C3orf20: variants seen among roughly 807,000 people sequenced by gnomAD.
C3orf20 encodes family with sequence similarity 149 member C.
A neutral mutation model predicts 88.3 loss-of-function variants in C3orf20; 76 were observed. The observed-to-expected ratio is 0.86, with a 90% CI of 0.72 to 1.04. The LOEUF (loss-of-function observed/expected upper bound fraction) is 1.04. Ranked by LOEUF, C3orf20 falls within the 50% of genes least tolerant of loss-of-function variation. C3orf20 has a pLI of 0.00. For synonymous variants in C3orf20, 436 were observed against 437.4 expected (o/e 1.00, Z 0.04); for missense variants, 1,056 against 1,123.3 (o/e 0.94, Z 0.86).
At chr3:14,697,518 T>C (rs1002568871) in intron 5 of C3orf20, among the ~76,000 whole-genome samples, 1 of 152,124 alleles carries the variant, frequency 6.6e-6, no homozygotes, top group Admixed American at 6.5e-5. Context: ...TCTGCTTGAT[T>C]CTTTAAAATT....
chr3:14,702,168 C>T (rs1045308809), intron 5 of C3orf20, among the ~76,000 whole-genome samples: 1 of 151,984 alleles, frequency 6.6e-6, no homozygotes, highest in Non-Finnish European at 1.5e-5. Context: ...TGGCAGGAGG[C>T]GAAAGGCACT....
chr3:14,705,603 A>G (rs2124940484), intron 7 of C3orf20, among the ~76,000 whole-genome samples: 1 of 152,326 alleles, frequency 6.6e-6, no homozygotes, highest in Non-Finnish European at 1.5e-5. Flanking sequence ...GTAGGAAGTC[A>G]CCTTGTACCC....
chr3:14,688,402 C>T (rs1238203693), intron 4 of C3orf20, among the ~76,000 whole-genome samples: 1 of 151,716 alleles, frequency 6.6e-6, no homozygotes, highest in East Asian at 1.9e-4. Context: ...CGTGATGGCA[C>T]ACATCTGTAG....
Position 14,701,078 on chromosome 3 carries a change from A to C in C3orf20, c.746-2052A>C, listed in dbSNP as rs528552298. On this transcript the variant is annotated intron_variant, in intron 5 of 16. Coordinates refer to ENST00000253697, the MANE Select transcript of C3orf20 (RefSeq NM_032137.5). This position sits in a 1 kb window ranked among gnomAD's most constrained non-coding sequence, Gnocchi z 4.6. ...GAGCCCAAGGCACCTGGGGCAGGCC[A>C]GACATGGAGGCTCAATCCAGCAGAT... 1.3e-5 allele frequency among the ~76,000 whole-genome samples: 2 copies of C among 152,334 alleles called. No homozygotes were observed. The highest frequency in any genetic ancestry group is 4.1e-4 in the South Asian group (2 of 4,824).
At chr3:14,726,274 G>A (rs2034341082) in intron 10 of C3orf20, among the ~76,000 whole-genome samples, 1 of 152,226 alleles carries the variant, frequency 6.6e-6, no homozygotes. Context: ...GGAAACAAGA[G>A]GCCTGGGCCT....
At chr3:14,763,910 A>G (rs2035628313) in intron 15 of C3orf20, among the ~76,000 whole-genome samples, 1 of 152,218 alleles carries the variant, frequency 6.6e-6, no homozygotes. Flanking sequence ...ATTCTGAAAG[A>G]ACTTAGTGGT....
At chr3:14,769,955 A>G (rs114721126) in intron 15 of C3orf20, among the ~76,000 whole-genome samples, 4,296 of 152,136 alleles carry the variant, frequency 0.028, 203 homozygotes, top group African/African-American at 0.097. Flanking sequence ...TGAAATGTCC[A>G]GGTGAGGGGG....
At chr3:14,743,251 T>C (rs1478950994) in intron 12 of C3orf20, among the ~76,000 whole-genome samples, 1 of 151,846 alleles carries the variant, frequency 6.6e-6, no homozygotes, top group Non-Finnish European at 1.5e-5. Context: ...ATGGGAGAAA[T>C]TGGCCAAAAC....
rs181600498 is a variant in C3orf20 at position 14,761,072 on chromosome 3, G to A, written c.2353-401G>A. 3.7e-4 allele frequency among the ~76,000 whole-genome samples: 56 copies of A among 152,176 alleles called. No homozygotes were observed. The East Asian group carries it at 7.9e-3, about 21-fold the overall frequency. ...CCCATTCCATGGGATAAGCTGAAAC[G>A]TACATACACAGCAGGAGAACACATT... On this transcript the variant is annotated intron_variant, in intron 14 of 16. Transcript: ENST00000253697.
At chr3:14,681,452 T>G (rs2032086073) in intron 1 of C3orf20, among the ~76,000 whole-genome samples, 1 of 152,218 alleles carries the variant, frequency 6.6e-6, no homozygotes, top group South Asian at 2.1e-4. Flanking sequence ...TCAGAAGCCT[T>G]GGGCCAGCAG....
At chr3:14,738,140 AC>A (rs573040796) in intron 12 of C3orf20, among the ~76,000 whole-genome samples, 31 of 139,072 alleles carry the variant, frequency 2.2e-4, no homozygotes, top group African/African-American at 8.1e-4. Flanking sequence ...TGACATTTTG[AC>A]CTCCCATGAA....
At chr3:14,710,924 C>CA (rs915909843) in intron 7 of C3orf20, among the ~76,000 whole-genome samples, 6 of 148,800 alleles carry the variant, frequency 4.0e-5, no homozygotes, top group African/African-American at 1.5e-4. Context: ...GGTGGAATCT[C>CA]ACTGTGTCAC....
chr3:14,761,431 T>C, intron 14 of C3orf20, 42 bp from the exon 15 acceptor site: 1 of 1,613,156 alleles, frequency 6.2e-7, no homozygotes, highest in Non-Finnish European at 8.5e-7. Context: ...ACTGCTGTGC[T>C]GATGTGCTGA....
intron 7 of C3orf20, among the ~76,000 whole-genome samples, chr3:14,705,182 G>A (rs1199414283): frequency 2.0e-5 from 3 of 152,262 alleles, no homozygotes; most frequent in Non-Finnish European, 4.4e-5. Flanking sequence ...AACCTTGGAT[G>A]TGGGAGCAAC....
At chr3:14,700,391 G>C (rs1022786170) in intron 5 of C3orf20, among the ~76,000 whole-genome samples, 1 of 152,150 alleles carries the variant, frequency 6.6e-6, no homozygotes, top group Admixed American at 6.5e-5. Flanking sequence ...TTTAGTAGGA[G>C]TTATTGTTAA....
At chr3:14,702,424 T>G (rs2033309769) in intron 5 of C3orf20, among the ~76,000 whole-genome samples, 1 of 148,084 alleles carries the variant, frequency 6.8e-6, no homozygotes, top group Non-Finnish European at 1.5e-5. Flanking sequence ...CCTCCAAATC[T>G]CATGTCCTCA....
chr3:14,707,478 TG>T (rs1575111745), intron 7 of C3orf20, among the ~76,000 whole-genome samples: 1 of 151,690 alleles, frequency 6.6e-6, no homozygotes, highest in East Asian at 1.9e-4. Flanking sequence ...TGTGTGTGTG[TG>T]TGTGTGTGTG....
At chr3:14,771,334 C>G (rs2035853678) in intron 15 of C3orf20, among the ~76,000 whole-genome samples, 1 of 152,252 alleles carries the variant, frequency 6.6e-6, no homozygotes, top group African/African-American at 2.4e-5. Flanking sequence ...GCTGCTCGAA[C>G]AGCCTAAGAC....
At position 14,686,204 on chromosome 3, in the gene C3orf20, G is replaced by GTT. The variant is rs1553609499; in HGVS notation, c.625+1823_625+1824insTT. Among the ~76,000 whole-genome samples the GTT allele has an allele frequency of 9.6e-4, 146 of 152,218 alleles. 1 individual carries two copies. Among genetic ancestry groups the GTT allele is most frequent in the African/African-American group, 3.2e-3 (133 of 41,518 alleles). Reference sequence around the variant, plus strand: ...AGCTGAATCATATTCGTGTGTGTGTGTGTGTGTGACATTTTCTTTATCCAT... The same window carrying GTT: ...AGCTGAATCATATTCGTGTGTGTGTGTTTGTGTGTGACATTTTCTTTATCCAT... On this transcript the variant is annotated intron_variant, in intron 4 of 16. Transcript: ENST00000253697.
Sources: gnomAD v4.1 joint callset for allele counts (sites outside exome capture counted in the v4.1 genomes callset) on GRCh38, gnomAD v4.1.1 for gene constraint, Gnocchi (gnomAD v3.1) non-coding constraint, MANE v1.5 for transcripts, NCBI Gene and HGNC (gene_info 2026-07-23, HGNC 2026-07-21) for gene names.